VAC14: variants seen among roughly 807,000 people sequenced by gnomAD.
VAC14 encodes the protein protein VAC14 homolog.
A neutral mutation model predicts 85.3 loss-of-function variants in VAC14; 47 were observed. That is an observed-to-expected ratio of 0.55 (90% CI 0.44 to 0.70). VAC14 has a LOEUF of 0.70. VAC14 is among the 30% of genes least tolerant of loss of function. The pLI is 0.00. For synonymous variants in VAC14, 447 were observed against 430.5 expected (o/e 1.04, Z -0.47); for missense variants, 861 against 1,004.3 (o/e 0.86, Z 1.93).
chr16:70,742,650 G>A (rs1337230944), intron 13 of VAC14, among the ~76,000 whole-genome samples: 2 of 152,244 alleles, frequency 1.3e-5, no homozygotes, highest in African/African-American at 4.8e-5. Flanking sequence ...GCATGTCCTG[G>A]GGCACAGGCA....
chr16:70,725,709 G>A (rs2054407960), intron 14 of VAC14, among the ~76,000 whole-genome samples: 1 of 152,206 alleles, frequency 6.6e-6, no homozygotes, highest in South Asian at 2.1e-4. Context: ...CCTTGCTGCT[G>A]GGCTTCTCTG....
chr16:70,710,001 G>C (rs1363833443), intron 14 of VAC14, among the ~76,000 whole-genome samples: 4 of 152,202 alleles, frequency 2.6e-5, no homozygotes. Flanking sequence ...TTCCTCCTGA[G>C]GATGTGCTCA....
At chr16:70,774,375 C>A (rs369543243) in intron 9 of VAC14, among the ~76,000 whole-genome samples, 1 of 152,152 alleles carries the variant, frequency 6.6e-6, no homozygotes, top group South Asian at 2.1e-4. Flanking sequence ...AGGGATGTCA[C>A]GGAAGTGCTG....
chr16:70,769,148 T>C (rs538488594), intron 10 of VAC14: 4 of 198,440 alleles, frequency 2.0e-5, no homozygotes, highest in South Asian at 7.2e-5. Context: ...AGAGGGTCCA[T>C]AGCTTTCATC....
At position 70,786,134 on chromosome 16, in the gene VAC14, C is replaced by G. The variant is rs945618654; in HGVS notation, c.255+81G>C. 6 of 1,561,838 alleles carry G rather than the reference C, an allele frequency of 3.8e-6. No individual in the cohort carries two copies. In the Admixed American group the frequency reaches 1.1e-4, roughly 28 times the overall value. ...ATAGGTCTGCAATGCCCTACTGGGTCTTGACAGGGAAGGCATCGGGATGGC... is the reference window on the plus strand; with the variant it reads ...ATAGGTCTGCAATGCCCTACTGGGTGTTGACAGGGAAGGCATCGGGATGGC... On this transcript the variant is annotated intron_variant, in intron 2 of 18. Coordinates refer to ENST00000261776, the MANE Select transcript of VAC14 (RefSeq NM_018052.5).
At chr16:70,761,101 A>C in intron 12 of VAC14, 1 of 434,984 alleles carries the variant, frequency 2.3e-6, no homozygotes, top group South Asian at 1.6e-5. Flanking sequence ...GTAATACAGA[A>C]AACCTCAGAG....
chr16:70,708,582 C>CT (rs2053967326), intron 14 of VAC14, among the ~76,000 whole-genome samples: 1 of 152,242 alleles, frequency 6.6e-6, no homozygotes, highest in Non-Finnish European at 1.5e-5. Context: ...GCGTTTGTGT[C>CT]TTAGAAAAGA....
rs1352917175 is a variant in VAC14, at chr16:70,762,546, C to T, written c.1365G>A (p.Ser455=). 22 of 1,613,952 alleles carry T rather than the reference C, an allele frequency of 1.4e-5. No individual in the cohort carries two copies. Among genetic ancestry groups the T allele is most frequent in the East Asian group, 1.1e-4 (5 of 44,890 alleles). The change falls in exon 12 of 19, where the codon TCG becomes TCA. Residue 455 remains serine (S), a synonymous_variant. Coordinates refer to ENST00000261776, the MANE Select transcript of VAC14 (RefSeq NM_018052.5). This position sits in a 1 kb window ranked among gnomAD's most constrained non-coding sequence, Gnocchi z 4.1. ...PILLQTLSDE[S]DEVILKDLEV... ...GGTGGCGTTGGTGACCTACCTCATCCGATTCATCCGATAACGTCTGCAGTA... is the reference window on the plus strand; with the variant it reads ...GGTGGCGTTGGTGACCTACCTCATCTGATTCATCCGATAACGTCTGCAGTA...
intron 13 of VAC14, among the ~76,000 whole-genome samples, chr16:70,740,425 C>T (rs755677099): frequency 1.3e-5 from 2 of 152,246 alleles, no homozygotes; most frequent in Non-Finnish European, 2.9e-5. Context: ...CTCCCCAGGC[C>T]TGGCTGCACC....
chr16:70,782,533 C>T (rs528982601), intron 7 of VAC14, among the ~76,000 whole-genome samples: 50 of 152,374 alleles, frequency 3.3e-4, no homozygotes, highest in Admixed American at 6.5e-4. Context: ...AGTGAGGCCA[C>T]TGTGGCCCAT....
At chr16:70,737,390 A>AG (rs1414800590) in intron 13 of VAC14, among the ~76,000 whole-genome samples, 1 of 151,820 alleles carries the variant, frequency 6.6e-6, no homozygotes, top group Admixed American at 6.6e-5. Flanking sequence ...GGCGAGGGAG[A>AG]GGGGGGCCCA....
intron 10 of VAC14, among the ~76,000 whole-genome samples, chr16:70,766,823 G>A (rs892868478): frequency 6.6e-6 from 1 of 152,148 alleles, no homozygotes; most frequent in Non-Finnish European, 1.5e-5. Flanking sequence ...GCTGGGCAGG[G>A]TTGGCTGCTG....
At chr16:70,764,746 A>T (rs1164602655) in intron 10 of VAC14, among the ~76,000 whole-genome samples, 2 of 152,132 alleles carry the variant, frequency 1.3e-5, no homozygotes, top group Non-Finnish European at 2.9e-5. Context: ...CCTGGTGTGC[A>T]TTTCACCGTT....
intron 13 of VAC14, among the ~76,000 whole-genome samples, chr16:70,734,729 G>A (rs2054697381): frequency 6.6e-6 from 1 of 151,762 alleles, no homozygotes; most frequent in African/African-American, 2.4e-5. Flanking sequence ...CACCTACTAT[G>A]TGCTTGACCT....
Position 70,784,189 on chromosome 16 carries a change from A to C in VAC14, c.518T>G (p.Leu173Arg), listed in dbSNP as rs1359943952. 6.2e-7 allele frequency: 1 copy of C among 1,614,192 alleles called. No homozygotes were observed. Among genetic ancestry groups the C allele is most frequent in the South Asian group, 1.1e-5 (1 of 91,088 alleles). Residue 173 changes from leucine to arginine, a missense_variant, in exon 5 of 19, where the codon CTG (leucine) becomes CGG (arginine). Around this residue, in one of 3 missense-constraint regions of VAC14, gnomAD observed 629 missense variants for 703.1 expected, o/e 0.89. Coordinates refer to ENST00000261776, the MANE Select transcript of VAC14 (RefSeq NM_018052.5). ...DIVTESNKFD[L>R]VSFIPLLRER... is the part of the protein sequence containing the mutation. ...TCGCAACAAGGGGATGAAGCTCACC[A>C]GGTCAAACTTGTTGCTCTCAGTCAC...
At chr16:70,721,831 C>T (rs1323836196) in intron 14 of VAC14, among the ~76,000 whole-genome samples, 1 of 152,142 alleles carries the variant, frequency 6.6e-6, no homozygotes, top group African/African-American at 2.4e-5. Context: ...CTGGATAGCA[C>T]GTGTCCTCTG....
At chr16:70,734,090 G>A (rs964253506) in intron 13 of VAC14, among the ~76,000 whole-genome samples, 1 of 152,156 alleles carries the variant, frequency 6.6e-6, no homozygotes, top group African/African-American at 2.4e-5. Flanking sequence ...CCAAAGTGCT[G>A]GGATTACAAG....
chr16:70,736,794 G>C (rs2054767508), intron 13 of VAC14, among the ~76,000 whole-genome samples: 1 of 152,096 alleles, frequency 6.6e-6, no homozygotes, highest in Non-Finnish European at 1.5e-5. Flanking sequence ...CCCTCCCCAA[G>C]ACAGGGTTGG....
At chr16:70,791,009 A>T (rs1414396289) in intron 1 of VAC14, among the ~76,000 whole-genome samples, 2 of 152,230 alleles carry the variant, frequency 1.3e-5, no homozygotes, top group Non-Finnish European at 2.9e-5. Flanking sequence ...AATCTGTTCC[A>T]CGAATCAAGC....
Sources: allele counts gnomAD v4.1 joint callset (sites outside exome capture counted in the v4.1 genomes callset), GRCh38; gene constraint gnomAD v4.1.1; regional missense constraint gnomAD v4.1.1; non-coding constraint Gnocchi (gnomAD v3.1); transcripts MANE v1.5; gene names NCBI Gene and HGNC (gene_info 2026-07-23, HGNC 2026-07-21).